The following ZNF474 variants were observed in gnomAD, a reference collection of about 807,000 sequenced individuals.
ZNF474 encodes the protein 4933409D10Rik.
For synonymous variants in ZNF474, 192 were observed against 162.2 expected, an observed-to-expected ratio of 1.18 and a Z score of -1.39; for missense variants, 511 against 433.8, an observed-to-expected ratio of 1.18 and a Z score of -1.58.
intron 1 of ZNF474, among the ~76,000 whole-genome samples, chr5:122,138,782 ATG>A (rs970669059): frequency 6.6e-6 from 1 of 151,610 alleles, no homozygotes; most frequent in Non-Finnish European, 1.5e-5. Flanking sequence ...GTATGTGTGT[ATG>A]TGTGTGTGTG....
chr5:122,137,131 A>T (rs1047623323), intron 1 of ZNF474, among the ~76,000 whole-genome samples: 2 of 152,158 alleles, frequency 1.3e-5, no homozygotes, highest in African/African-American at 4.8e-5. Context: ...ATGAATGAAC[A>T]TGAATGGGCA....
At chr5:122,132,417 AAT>A (rs1047412675) in intron 1 of ZNF474, among the ~76,000 whole-genome samples, 2 of 151,958 alleles carry the variant, frequency 1.3e-5, no homozygotes, top group African/African-American at 4.8e-5. Flanking sequence ...CCAATTTTTA[AAT>A]ATATGTCTTG....
chr5:122,141,325 T>G (rs952432144), intron 1 of ZNF474, among the ~76,000 whole-genome samples: 2 of 92,672 alleles, frequency 2.2e-5, no homozygotes, highest in Non-Finnish European at 4.6e-5. Context: ...TTTTTTTTTT[T>G]GTGAGAGGGA....
At chr5:122,142,648 G>A (rs1329720532) in intron 1 of ZNF474, among the ~76,000 whole-genome samples, 2 of 152,100 alleles carry the variant, frequency 1.3e-5, no homozygotes, top group Non-Finnish European at 2.9e-5. Flanking sequence ...GAATTTGTAG[G>A]GCTGAGGATT....
intron 1 of ZNF474, among the ~76,000 whole-genome samples, chr5:122,137,160 T>A (rs921075394): frequency 2.6e-5 from 4 of 151,966 alleles, no homozygotes; most frequent in Non-Finnish European, 4.4e-5. Flanking sequence ...TGCATGTGTA[T>A]GGGTGCAGGT....
intron 1 of ZNF474, among the ~76,000 whole-genome samples, chr5:122,149,155 G>A (rs959093575): frequency 2.6e-5 from 4 of 152,098 alleles, no homozygotes; most frequent in African/African-American, 7.2e-5. Flanking sequence ...GAATGCAAGC[G>A]GAGGAAGGGC....
chr5:122,132,424 G>A (rs1340241810), intron 1 of ZNF474, among the ~76,000 whole-genome samples: 2 of 151,874 alleles, frequency 1.3e-5, no homozygotes, highest in African/African-American at 4.8e-5. Context: ...TTAAATATAT[G>A]TCTTGCAAAC....
intron 1 of ZNF474, among the ~76,000 whole-genome samples, chr5:122,131,022 C>A (rs1231264114): frequency 6.6e-6 from 1 of 152,080 alleles, no homozygotes; most frequent in East Asian, 1.9e-4. Flanking sequence ...CTCATGGTAA[C>A]CATTATTGCA....
At chr5:122,133,200 T>C (rs1755619481) in intron 1 of ZNF474, among the ~76,000 whole-genome samples, 1 of 152,260 alleles carries the variant, frequency 6.6e-6, no homozygotes, top group South Asian at 2.1e-4. Context: ...CAGTAATTTA[T>C]TGGGCATCTA....
chr5:122,147,214 T>G (rs941124268), intron 1 of ZNF474, among the ~76,000 whole-genome samples: 2 of 152,138 alleles, frequency 1.3e-5, no homozygotes, highest in Non-Finnish European at 1.5e-5. Context: ...GTGAACAACA[T>G]TGAAGATGAA....
chr5:122,146,502 C>T (rs969629180), intron 1 of ZNF474, among the ~76,000 whole-genome samples: 5 of 151,732 alleles, frequency 3.3e-5, no homozygotes, highest in African/African-American at 9.7e-5. Flanking sequence ...GTCAATTCTG[C>T]GCCCAAACCT....
chr5:122,149,225 C>G (rs1246426547), intron 1 of ZNF474, among the ~76,000 whole-genome samples: 3 of 152,124 alleles, frequency 2.0e-5, no homozygotes, highest in Non-Finnish European at 2.9e-5. Flanking sequence ...ATGTGTACTC[C>G]AAACCTCAGC....
Position 122,152,800 on chromosome 5 carries a change from G to A in ZNF474, c.810G>A (p.Pro270=), listed in dbSNP as rs764546936. 32 of 1,613,998 alleles carry A rather than the reference G, an allele frequency of 2.0e-5. No individual in the cohort carries two copies. The highest frequency in any genetic ancestry group is 6.6e-5 in the South Asian group (6 of 91,076). Residue 270 remains proline, a synonymous_variant, in exon 2 of 2, where the codon CCG becomes CCA. Transcript: ENST00000296600. The part of the protein sequence containing the change: ...QPLPQKPQPL[P]NAQSSQAGPN... Reference sequence around the variant, plus strand: ...TCCCACAGAAGCCTCAGCCCCTTCCGAATGCACAGTCCAGCCAAGCGGGAC... The same window carrying A: ...TCCCACAGAAGCCTCAGCCCCTTCCAAATGCACAGTCCAGCCAAGCGGGAC...
chr5:122,137,688 G>T (rs1755738224), intron 1 of ZNF474, among the ~76,000 whole-genome samples: 1 of 152,202 alleles, frequency 6.6e-6, no homozygotes, highest in African/African-American at 2.4e-5. Flanking sequence ...GGAGCATGGT[G>T]CAGAAAAGGG....
chr5:122,148,292 T>G (rs1330119266), intron 1 of ZNF474, among the ~76,000 whole-genome samples: 1 of 152,224 alleles, frequency 6.6e-6, no homozygotes, highest in African/African-American at 2.4e-5. Flanking sequence ...ATCTTTCATA[T>G]TTTGATACCT....
intron 1 of ZNF474, among the ~76,000 whole-genome samples, chr5:122,140,511 A>G (rs1291622867): frequency 1.3e-5 from 2 of 152,216 alleles, no homozygotes; most frequent in Non-Finnish European, 2.9e-5. Context: ...ATGTCATCAA[A>G]CCTAAAAAAT....
At chr5:122,140,325 A>G (rs1755806057) in intron 1 of ZNF474, among the ~76,000 whole-genome samples, 1 of 152,232 alleles carries the variant, frequency 6.6e-6, no homozygotes, top group South Asian at 2.1e-4. Flanking sequence ...AGATTGTATC[A>G]ACATCAACAA....
At chr5:122,138,852 A>C (rs1366482548) in intron 1 of ZNF474, among the ~76,000 whole-genome samples, 6 of 152,182 alleles carry the variant, frequency 3.9e-5, no homozygotes, top group African/African-American at 1.2e-4. Context: ...CAGTGAGGTG[A>C]TAATAAGTAT....
At chr5:122,144,282 G>A (rs1272946911) in intron 1 of ZNF474, among the ~76,000 whole-genome samples, 1 of 152,156 alleles carries the variant, frequency 6.6e-6, no homozygotes, top group Non-Finnish European at 1.5e-5. Context: ...GTTCCTTGAA[G>A]TGATTTTCAA....
Sources: gnomAD v4.1 joint callset for allele counts (sites outside exome capture counted in the v4.1 genomes callset) on GRCh38, gnomAD v4.1.1 for gene constraint, MANE v1.5 for transcripts, NCBI Gene and HGNC (gene_info 2026-07-23, HGNC 2026-07-21) for gene names.